Variants in SPCS2 observed in about 807,000 individuals in gnomAD.
The protein encoded by SPCS2 is SPase 25 kDa subunit.
SPCS2 carries 3 observed loss-of-function variants against 22.3 expected under a neutral mutation model. That is an observed-to-expected ratio of 0.13 (90% CI 0.06 to 0.35). SPCS2 has a LOEUF of 0.35. Among genes scored for constraint, SPCS2 ranks in the 10% least tolerant of loss-of-function variants. The pLI, the probability that SPCS2 is intolerant of heterozygous loss-of-function variation, is 1.00. For missense variants in SPCS2, 169 were observed against 280.9 expected (o/e 0.60, Z 2.85); for synonymous variants, 67 against 97.2 (o/e 0.69, Z 1.83).
chr11:74,974,307 C>T lies in SPCS2; in HGVS notation c.495-2550C>T, dbSNP rs116478314. 5.0e-3 allele frequency among the ~76,000 whole-genome samples: 756 copies of T among 152,314 alleles called. 10 individuals are homozygous for T. Among genetic ancestry groups the T allele is most frequent in the African/African-American group, 0.017 (716 of 41,572 alleles). On this transcript the variant is annotated intron_variant, in intron 4 of 4. Coordinates refer to ENST00000263672, the MANE Select transcript of SPCS2 (RefSeq NM_014752.3). Reference sequence around the variant, plus strand: ...TGTATTTTCATCCTTGACCTCTTCTCTGAACTCTAAATATATTCTGGCATT... The same window carrying T: ...TGTATTTTCATCCTTGACCTCTTCTTTGAACTCTAAATATATTCTGGCATT...
chr11:74,969,786 C>G, intron 4 of SPCS2, 87 bp downstream of exon 4: 1 of 1,462,274 alleles, frequency 6.8e-7, no homozygotes, highest in Non-Finnish European at 9.6e-7. Flanking sequence ...TATTATGTGC[C>G]TACTCTATGT....
intron 1 of SPCS2, among the ~76,000 whole-genome samples, chr11:74,959,465 T>A (rs1444993633): frequency 6.6e-6 from 1 of 152,214 alleles, no homozygotes; most frequent in Non-Finnish European, 1.5e-5. Context: ...CAATCACGGC[T>A]CACTGCAGCC....
chr11:74,969,855 G>A (rs1252497635), intron 4 of SPCS2, among the ~76,000 whole-genome samples, 156 bp downstream of exon 4: 5 of 152,228 alleles, frequency 3.3e-5, no homozygotes, highest in African/African-American at 1.2e-4. Flanking sequence ...TAGAAGGTTT[G>A]TCCTAGCCCT....
rs531634132 is a variant in SPCS2, at chr11:74,964,984, C to G, written c.115-50C>G. Reference sequence around the variant, plus strand: ...CTTAAAAAATGGTTCATTTTACTTTCAGTAAGAGGCCAGGTTTCTTGATGC... The same window carrying G: ...CTTAAAAAATGGTTCATTTTACTTTGAGTAAGAGGCCAGGTTTCTTGATGC... On this transcript the variant is annotated intron_variant, in intron 1 of 4. Transcript: ENST00000263672. The G allele has an allele frequency of 5.1e-5, 65 of 1,286,298 alleles. No homozygotes were observed. In the Middle Eastern group the frequency reaches 6.7e-4, roughly 13 times the overall value. 79.7% of individuals were successfully genotyped at this position (1,286,298 alleles called of 1,614,324 possible).
At chr11:74,958,505 T>A (rs1018871250) in intron 1 of SPCS2, among the ~76,000 whole-genome samples, 3 of 152,210 alleles carry the variant, frequency 2.0e-5, no homozygotes, top group Admixed American at 6.5e-5. Flanking sequence ...TAAATATGTG[T>A]GTGTGGGGGG....
intron 1 of SPCS2, among the ~76,000 whole-genome samples, chr11:74,951,946 G>A (rs1404005241): frequency 6.6e-6 from 1 of 152,098 alleles, no homozygotes; most frequent in Non-Finnish European, 1.5e-5. Context: ...TTACACAGAT[G>A]TGATGGTGTT....
Position 74,979,022 on chromosome 11 carries a change from T to C in SPCS2, c.*1979T>C, listed in dbSNP as rs920116145. The stretch of plus-strand genomic sequence containing the variant: ...ATAATGCAGCTATTAAAAATGAGTC[T>C]GAGGCCAGGCATGGTGGCTCACGCC... On this transcript the variant is annotated 3_prime_UTR_variant, in exon 5 of 5. Coordinates refer to ENST00000263672, the MANE Select transcript of SPCS2 (RefSeq NM_014752.3). The C allele has an allele frequency of 6.6e-6, 1 of 152,176 alleles. No individual in the cohort carries two copies. The highest frequency in any genetic ancestry group is 6.5e-5 in the Admixed American group (1 of 15,276). 9.4% of individuals were successfully genotyped at this position (152,176 alleles called of 1,614,324 possible).
In SPCS2 at chr11:74,949,409, C is replaced by T. The variant is rs1320682992; in HGVS notation, c.114+10C>T. 5.2e-6 allele frequency: 8 copies of T among 1,549,802 alleles called. No homozygotes were observed. The highest frequency in any genetic ancestry group is 1.4e-5 in the African/African-American group (1 of 72,988). On this transcript the variant is annotated intron_variant, in intron 1 of 4. Transcript: ENST00000263672. ...CGGCTTGTTGGATAAGGTGAGGAGC[C>T]GGTTCTTGGGAACAGTTGAATCCTG...
At position 74,969,634 on chromosome 11, in the gene SPCS2, C is replaced by G; in HGVS notation, c.429C>G (p.Ala143=). The G allele has an allele frequency of 6.2e-7, 1 of 1,613,478 alleles. No homozygotes were observed. Among genetic ancestry groups the G allele is most frequent in the South Asian group, 1.1e-5 (1 of 91,074 alleles). The change falls in exon 4 of 5, where the codon GCC becomes GCG. Residue 143 remains alanine, a synonymous_variant. Coordinates refer to ENST00000263672, the MANE Select transcript of SPCS2 (RefSeq NM_014752.3). ...SYKEKSIFLV[A]HRKDPTGMDP... ...AGGAGAAGAGCATCTTTCTCGTGGC[C>G]CACAGGAAAGATCCTACAGGAATGG...
chr11:74,976,183 A>G (rs1395545537), intron 4 of SPCS2, among the ~76,000 whole-genome samples: 1 of 152,238 alleles, frequency 6.6e-6, no homozygotes, highest in African/African-American at 2.4e-5. Context: ...CTAGAAGCCC[A>G]GCTAAGAGTA....
intron 1 of SPCS2, among the ~76,000 whole-genome samples, chr11:74,955,297 A>C (rs761415970): frequency 6.6e-6 from 1 of 152,224 alleles, no homozygotes; most frequent in Non-Finnish European, 1.5e-5. Flanking sequence ...TAACACAGTT[A>C]TCATAATGGC....
chr11:74,975,087 A>C (rs774601878), intron 4 of SPCS2, among the ~76,000 whole-genome samples: 1 of 152,080 alleles, frequency 6.6e-6, no homozygotes, highest in Non-Finnish European at 1.5e-5. Context: ...AAGTCCATAC[A>C]TGTCTATTCT....
intron 1 of SPCS2, among the ~76,000 whole-genome samples, chr11:74,962,548 CA>C (rs10708446): frequency 0.41 from 51,866 of 127,582 alleles, 9,167 homozygotes; most frequent in Middle Eastern, 0.49. Flanking sequence ...AAAATTGAGG[CA>C]AAAAAAAAAA....
chr11:74,960,098 A>G (rs2140216126), intron 1 of SPCS2, among the ~76,000 whole-genome samples: 1 of 152,292 alleles, frequency 6.6e-6, no homozygotes, highest in East Asian at 1.9e-4. Flanking sequence ...TGGGAGGCTG[A>G]GGTACGTGGA....
chr11:74,960,918 TGAATAA>T, intron 1 of SPCS2, among the ~76,000 whole-genome samples: 1 of 152,248 alleles, frequency 6.6e-6, no homozygotes, highest in South Asian at 2.1e-4. Context: ...AGAAATTCTG[TGAATAA>T]GAACCAAGTG....
At chr11:74,971,119 T>C (rs1174551115) in intron 4 of SPCS2, among the ~76,000 whole-genome samples, 1 of 152,252 alleles carries the variant, frequency 6.6e-6, no homozygotes, top group African/African-American at 2.4e-5. Context: ...ATGTGGTCTT[T>C]TATAACTGGG....
chr11:74,953,126 G>C (rs965179914), intron 1 of SPCS2, among the ~76,000 whole-genome samples: 1 of 151,924 alleles, frequency 6.6e-6, no homozygotes, highest in African/African-American at 2.4e-5. Context: ...AGAGAACTTG[G>C]GGAAAAAAAT....
rs985976657 is a variant in SPCS2, at chr11:74,964,701, A to G, written c.115-333A>G. ...TACACTTACAGTCTGTGCAGCCCAT[A>G]TACGTTTTCTGGTTCTGGGGTTGTT... On this transcript the variant is annotated intron_variant, in intron 1 of 4. Transcript: ENST00000263672. 9.2e-5 allele frequency among the ~76,000 whole-genome samples: 14 copies of G among 152,198 alleles called. 1 individual carries two copies. The highest frequency in any genetic ancestry group is 9.2e-4 in the Admixed American group (14 of 15,278).
chr11:74,972,974 A>T (rs1948594875), intron 4 of SPCS2, among the ~76,000 whole-genome samples: 2 of 152,068 alleles, frequency 1.3e-5, no homozygotes, highest in African/African-American at 4.8e-5. Flanking sequence ...AAGAACAAAA[A>T]ACCAAACATC....
Sources: gnomAD v4.1 joint callset for allele counts (sites outside exome capture counted in the v4.1 genomes callset) on GRCh38, gnomAD v4.1.1 for gene constraint, MANE v1.5 for transcripts, NCBI Gene and HGNC (gene_info 2026-07-23, HGNC 2026-07-21) for gene names.